Variants in RBPMS observed in about 807,000 individuals in gnomAD.
RBPMS encodes the protein RNA-binding protein with multiple splicing.
RBPMS carries 7 observed loss-of-function variants against 26.8 expected under a neutral mutation model. That is an observed-to-expected ratio of 0.26 (90% confidence interval 0.15 to 0.49). RBPMS has a LOEUF of 0.49. Ranked by LOEUF, RBPMS falls within the 20% of genes least tolerant of loss-of-function variation. The probability of loss-of-function intolerance (pLI) is 0.98; values close to 1 mark genes in which losing one functional copy is unlikely to be tolerated. For missense variants in RBPMS, 186 were observed against 250.0 expected, an observed-to-expected ratio of 0.74 and a Z score of 1.73; for synonymous variants, 96 against 93.3, an observed-to-expected ratio of 1.03 and a Z score of -0.17.
intron 1 of RBPMS, among the ~76,000 whole-genome samples, chr8:30,436,026 GA>G (rs1812415706): frequency 6.6e-6 from 1 of 152,142 alleles, no homozygotes; most frequent in African/African-American, 2.4e-5. Context: ...AGAATTGGGG[GA>G]ATGTGGGTAA....
At chr8:30,476,443 A>G (rs1817702250) in intron 2 of RBPMS, among the ~76,000 whole-genome samples, 1 of 152,210 alleles carries the variant, frequency 6.6e-6, no homozygotes, top group South Asian at 2.1e-4. Flanking sequence ...TTTTTTCAGA[A>G]GAGAGCACCT....
intron 6 of RBPMS, chr8:30,545,497 A>C: frequency 1.1e-6 from 1 of 951,252 alleles, no homozygotes; most frequent in South Asian, 4.8e-5. Context: ...GTCTTTCTGC[A>C]TGTGTAATTC....
At chr8:30,500,068 C>G (rs1399233824) in intron 4 of RBPMS, among the ~76,000 whole-genome samples, 1 of 152,100 alleles carries the variant, frequency 6.6e-6, no homozygotes, top group Non-Finnish European at 1.5e-5. Context: ...AATGCTGTGT[C>G]CCAGTAGGAA....
chr8:30,445,486 C>T (rs1450675080), intron 1 of RBPMS: 1 of 151,688 alleles, frequency 6.6e-6, no homozygotes, highest in African/African-American at 2.4e-5. Flanking sequence ...CTATAAGTTC[C>T]ATTTTTATGC....
chr8:30,528,294 A>G (rs573865818), intron 5 of RBPMS, among the ~76,000 whole-genome samples: 52 of 152,222 alleles, frequency 3.4e-4, no homozygotes, highest in African/African-American at 1.2e-3. Context: ...AGTCTCTGCA[A>G]TAGGATTTGG....
At chr8:30,466,940 G>A (rs6468358) in intron 1 of RBPMS, among the ~76,000 whole-genome samples, 152,039 of 152,316 alleles carry the variant, frequency 1, 75,881 homozygotes, top group Middle Eastern at 1. Flanking sequence ...CTTGGTGTCT[G>A]TAGCAATGTG....
In RBPMS at chr8:30,417,061, G is replaced by T. The variant is rs1810169908; in HGVS notation, c.66+31903G>T. Among the ~76,000 whole-genome samples, 3 of 152,212 alleles carry T rather than the reference G, an allele frequency of 2.0e-5. No individual in the cohort carries two copies. In the South Asian group the frequency reaches 6.2e-4, roughly 32 times the overall value. ...ACTGGGATTACAGGTGTGAACCACT[G>T]CTCCTGGCCTTGTTTTGTTTTTTGT... On this transcript the variant is annotated intron_variant, in intron 1 of 8. Transcript: ENST00000397323.
At chr8:30,500,283 CATGCAGATGTAT>C (rs1820414305) in intron 4 of RBPMS, among the ~76,000 whole-genome samples, 1 of 151,692 alleles carries the variant, frequency 6.6e-6, no homozygotes, top group Non-Finnish European at 1.5e-5. Context: ...GAGAAGTATA[CATGCAGATGTAT>C]ATACAGTCTC....
At chr8:30,564,613 C>T (rs910442943) in intron 7 of RBPMS, 1 of 152,560 alleles carries the variant, frequency 6.6e-6, no homozygotes, top group Non-Finnish European at 1.5e-5. Context: ...TGCAGCCCCC[C>T]AACCTGCTCC....
intron 7 of RBPMS, among the ~76,000 whole-genome samples, chr8:30,562,808 G>A (rs1279429002): frequency 2.6e-5 from 4 of 152,186 alleles, no homozygotes; most frequent in African/African-American, 9.6e-5. Context: ...AGACGAGCAG[G>A]AGTGATGCCG....
At chr8:30,410,265 G>A (rs563122442) in intron 1 of RBPMS, among the ~76,000 whole-genome samples, 1 of 151,926 alleles carries the variant, frequency 6.6e-6, no homozygotes, top group East Asian at 1.9e-4. Flanking sequence ...GGAGTGCAGT[G>A]GTACAATCTC....
chr8:30,433,888 A>G (rs887967807), intron 1 of RBPMS, among the ~76,000 whole-genome samples: 2 of 152,226 alleles, frequency 1.3e-5, no homozygotes, highest in Non-Finnish European at 1.5e-5. Context: ...ATGAATTTCA[A>G]ATATGATCTA....
At chr8:30,466,416 C>G (rs113432397) in intron 1 of RBPMS, among the ~76,000 whole-genome samples, 1 of 151,844 alleles carries the variant, frequency 6.6e-6, no homozygotes, top group Non-Finnish European at 1.5e-5. Flanking sequence ...TGTTGTGGCA[C>G]ACACCTTTAG....
intron 1 of RBPMS, among the ~76,000 whole-genome samples, chr8:30,467,600 G>T (rs748225696): frequency 2.0e-5 from 3 of 152,154 alleles, no homozygotes; most frequent in African/African-American, 7.2e-5. Flanking sequence ...GGATGTTTCT[G>T]CTCCTGGGGC....
intron 7 of RBPMS, among the ~76,000 whole-genome samples, chr8:30,562,715 T>C (rs368190361): frequency 2.0e-4 from 30 of 152,210 alleles, no homozygotes; most frequent in African/African-American, 7.2e-4. Flanking sequence ...ATACCATTCA[T>C]TGGCAGAGGC....
At chr8:30,526,550 GGGAAGCCCTCAGGT>G (rs1297200318) in intron 5 of RBPMS, among the ~76,000 whole-genome samples, 1 of 152,178 alleles carries the variant, frequency 6.6e-6, no homozygotes, top group Non-Finnish European at 1.5e-5. Flanking sequence ...ACTGAAGGCT[GGGAAGCCCTCAGGT>G]TGCTTCTTGA....
intron 5 of RBPMS, among the ~76,000 whole-genome samples, chr8:30,535,298 T>C (rs1012031482): frequency 6.6e-6 from 1 of 152,240 alleles, no homozygotes; most frequent in African/African-American, 2.4e-5. Context: ...ATATGTTCTG[T>C]GTGCCAGACA....
At chr8:30,479,475 T>C in intron 4 of RBPMS, 98 bp downstream of exon 4, 1 of 889,772 alleles carries the variant, frequency 1.1e-6, no homozygotes, top group Admixed American at 2.1e-5. Flanking sequence ...AGAATATGAC[T>C]GCACAGTCTA....
chr8:30,533,842 T>A (rs771088944), intron 5 of RBPMS, among the ~76,000 whole-genome samples: 9 of 152,162 alleles, frequency 5.9e-5, no homozygotes, highest in Non-Finnish European at 1.0e-4. Context: ...CTATAAAAAT[T>A]GTTTGTTTTG....
Sources: allele counts gnomAD v4.1 joint callset (sites outside exome capture counted in the v4.1 genomes callset), GRCh38; gene constraint gnomAD v4.1.1; transcripts MANE v1.5; gene names NCBI Gene and HGNC (gene_info 2026-07-23, HGNC 2026-07-21).